The following NTRK3 variants were observed in gnomAD, a reference collection of about 807,000 sequenced individuals.
NTRK3 encodes the protein NT-3 growth factor receptor.
NTRK3 carries 24 observed loss-of-function variants against 91.7 expected under a neutral mutation model. That is an observed-to-expected ratio of 0.26 (90% confidence interval 0.19 to 0.37). The LOEUF is 0.37. Ranked by LOEUF, NTRK3 falls within the 10% of genes least tolerant of loss-of-function variation. The pLI is 1.00. For missense variants in NTRK3, 880 were observed against 1,068.9 expected (o/e 0.82, Z 2.46); for synonymous variants, 483 against 404.0 (o/e 1.20, Z -2.34).
chr15:87,973,103 C>A (rs2073396774), intron 14 of NTRK3, among the ~76,000 whole-genome samples: 1 of 152,186 alleles, frequency 6.6e-6, no homozygotes, highest in African/African-American at 2.4e-5. Flanking sequence ...TTCACACCCA[C>A]CCAGAAGTCA....
intron 13 of NTRK3, among the ~76,000 whole-genome samples, chr15:88,102,536 A>C (rs559514871): frequency 1.2e-4 from 19 of 152,312 alleles, no homozygotes; most frequent in Admixed American, 2.0e-4. Context: ...AAGAAATGAT[A>C]AATGGTTGAG....
intron 14 of NTRK3, among the ~76,000 whole-genome samples, chr15:88,027,062 T>C (rs2078099608): frequency 6.6e-6 from 1 of 152,206 alleles, no homozygotes; most frequent in African/African-American, 2.4e-5. Flanking sequence ...CCTTAATAGG[T>C]TGCTTCCCTT....
intron 14 of NTRK3, among the ~76,000 whole-genome samples, chr15:87,945,549 C>A (rs1351758012): frequency 1.3e-5 from 2 of 152,178 alleles, no homozygotes; most frequent in Admixed American, 6.5e-5. Flanking sequence ...GGTCAGTGGG[C>A]AGGCAGGGGT....
intron 14 of NTRK3, among the ~76,000 whole-genome samples, chr15:87,980,825 C>G (rs191374827): frequency 6.6e-6 from 1 of 152,188 alleles, no homozygotes; most frequent in East Asian, 1.9e-4. Context: ...CCTATGACAT[C>G]ATGTTTGGAG....
intron 17 of NTRK3, among the ~76,000 whole-genome samples, chr15:87,907,744 AAAAAAGCCCCCAAGC>A (rs1305467414): frequency 1.3e-5 from 2 of 152,156 alleles, no homozygotes; most frequent in African/African-American, 4.8e-5. Context: ...CAAATAGAAG[AAAAAAGCCCCCAAGC>A]AAAAAGTGGA....
At chr15:88,156,275 A>T (rs1402765744) in intron 5 of NTRK3, among the ~76,000 whole-genome samples, 1 of 152,192 alleles carries the variant, frequency 6.6e-6, no homozygotes, top group African/African-American at 2.4e-5. Context: ...AGCACTTGCC[A>T]TGTGCTGAGG....
intron 14 of NTRK3, among the ~76,000 whole-genome samples, chr15:87,993,902 C>T (rs2075477737): frequency 6.6e-6 from 1 of 152,200 alleles, no homozygotes; most frequent in African/African-American, 2.4e-5. Flanking sequence ...GAATGGGAGT[C>T]TATACCTCTG....
chr15:88,043,507 C>T (rs997849542), intron 13 of NTRK3, among the ~76,000 whole-genome samples: 1 of 152,204 alleles, frequency 6.6e-6, no homozygotes, highest in African/African-American at 2.4e-5. Flanking sequence ...TGAGGTCATG[C>T]AGTGCCAGGG....
At chr15:88,012,863 G>A (rs942465277) in intron 14 of NTRK3, among the ~76,000 whole-genome samples, 9 of 152,164 alleles carry the variant, frequency 5.9e-5, no homozygotes, top group African/African-American at 1.4e-4. Flanking sequence ...CCAGAGTTTC[G>A]GATTCAGTGG....
chr15:87,987,529 G>A (rs2074925106), intron 14 of NTRK3, among the ~76,000 whole-genome samples: 1 of 151,778 alleles, frequency 6.6e-6, no homozygotes, highest in South Asian at 2.1e-4. Flanking sequence ...AGATAGATGT[G>A]TGTGTGTGTG....
intron 5 of NTRK3, among the ~76,000 whole-genome samples, chr15:88,175,911 T>G (rs1567585802): frequency 6.6e-6 from 1 of 152,006 alleles, no homozygotes; most frequent in Non-Finnish European, 1.5e-5. Flanking sequence ...ACCAAATTAG[T>G]GATGAGGGTG....
intron 14 of NTRK3, among the ~76,000 whole-genome samples, chr15:87,943,820 G>T (rs2070149633): frequency 1.3e-5 from 2 of 152,054 alleles, no homozygotes; most frequent in Non-Finnish European, 2.9e-5. Flanking sequence ...CCTGGTTGCA[G>T]GAGTGGGGAA....
At chr15:87,984,411 T>A (rs1398705888) in intron 14 of NTRK3, among the ~76,000 whole-genome samples, 1 of 152,228 alleles carries the variant, frequency 6.6e-6, no homozygotes, top group African/African-American at 2.4e-5. Flanking sequence ...TTATGATTGA[T>A]TTGTTCTGTA....
At chr15:87,975,877 C>A (rs758413045) in intron 14 of NTRK3, among the ~76,000 whole-genome samples, 1 of 152,190 alleles carries the variant, frequency 6.6e-6, no homozygotes, top group Non-Finnish European at 1.5e-5. Flanking sequence ...CAGACAAGAA[C>A]TCCCTCACTT....
chr15:88,024,844 G>C (rs1334266815), intron 14 of NTRK3, among the ~76,000 whole-genome samples: 2 of 152,242 alleles, frequency 1.3e-5, no homozygotes, highest in African/African-American at 2.4e-5. Context: ...GAAATGCTGT[G>C]AAGGCATGGA....
chr15:88,116,080 G>A (rs1302141177), intron 13 of NTRK3, among the ~76,000 whole-genome samples: 1 of 152,186 alleles, frequency 6.6e-6, no homozygotes, highest in Non-Finnish European at 1.5e-5. Flanking sequence ...GCCTCTCTGA[G>A]CTTCTGCCCA....
At chr15:88,225,909 G>T (rs2050631770) in intron 3 of NTRK3, among the ~76,000 whole-genome samples, 1 of 152,206 alleles carries the variant, frequency 6.6e-6, no homozygotes, top group African/African-American at 2.4e-5. Flanking sequence ...ACCTAGACAT[G>T]CACAGCCTGC....
chr15:87,881,385 A>G (rs998223469), intron 17 of NTRK3, among the ~76,000 whole-genome samples: 1 of 150,986 alleles, frequency 6.6e-6, no homozygotes, highest in African/African-American at 2.4e-5. Flanking sequence ...GGTATTACTT[A>G]AAGTTCTCAT....
intron 14 of NTRK3, among the ~76,000 whole-genome samples, chr15:88,012,097 G>A (rs1428174064): frequency 2.0e-5 from 3 of 152,110 alleles, no homozygotes; most frequent in South Asian, 2.1e-4. Context: ...TGTACCCTAC[G>A]GCCTTGTGCA....
Sources: allele counts gnomAD v4.1 joint callset (sites outside exome capture counted in the v4.1 genomes callset), GRCh38; gene constraint gnomAD v4.1.1; transcripts MANE v1.5; gene names NCBI Gene and HGNC (gene_info 2026-07-23, HGNC 2026-07-21).